AMDHD2: variants seen among roughly 807,000 people sequenced by gnomAD.
AMDHD2 encodes amidohydrolase domain containing 2, also known as N-acetylglucosamine-6-phosphate deacetylase.
Under a neutral mutation model 41.8 loss-of-function variants are expected in AMDHD2, and 24 were observed. The ratio of observed to expected loss-of-function variants is 0.57; its 90% CI spans 0.42 to 0.81. AMDHD2 has a LOEUF of 0.81. Among genes scored for constraint, AMDHD2 ranks in the 30% least tolerant of loss-of-function variants. The pLI, the probability that AMDHD2 is intolerant of heterozygous loss-of-function variation, is 0.00. For synonymous variants in AMDHD2, 332 were observed against 255.5 expected, an observed-to-expected ratio of 1.30 and a Z score of -2.85; for missense variants, 540 against 588.5, an observed-to-expected ratio of 0.92 and a Z score of 0.85.
In AMDHD2 at chr16:2,528,301, C is replaced by T. The variant is rs1286584312; in HGVS notation, c.783C>T (p.Cys261=). ...LTSDRLPAGR[C]IFYGMIADGT... is the part of the protein sequence containing the mutation. ...GCGACCGGCTGCCCGCAGGCCGCTG[C>T]ATCTTCTATGGGATGATTGCAGATG... Residue 261 remains cysteine, a synonymous_variant, in exon 7 of 11, where the codon TGC becomes TGT. Transcript: ENST00000293971. 9 of 1,612,698 alleles carry T rather than the reference C, an allele frequency of 5.6e-6. No homozygotes were observed. The highest frequency in any genetic ancestry group is 7.6e-6 in the Non-Finnish European group (9 of 1,179,936).
In AMDHD2 at chr16:2,528,073, T is replaced by C; in HGVS notation, c.642T>C (p.Ala214=). ...CAGGTCCCGCAGGGCACTCAGTGGC[T>C]GACCTGCGGGCGGCAGAGGATGCTG... ...GICVSLGHSV[A]DLRAAEDAVW... is the part of the protein sequence containing the mutation. Residue 214 remains alanine, a synonymous_variant, in exon 6 of 11, where the codon GCT becomes GCC. Transcript: ENST00000293971. The C allele has an allele frequency of 2.5e-6, 4 of 1,613,046 alleles. 1 individual carries two copies. In the South Asian group the frequency reaches 3.3e-5, roughly 13 times the overall value.
chr16:2,527,673 G>A lies in AMDHD2; in HGVS notation c.415+58G>A. 6.3e-7 allele frequency: 1 copy of A among 1,577,808 alleles called. No homozygotes were observed. On this transcript the variant is annotated intron_variant, in intron 4 of 10. Coordinates refer to ENST00000293971, the MANE Select transcript of AMDHD2 (RefSeq NM_001330449.2). The surrounding 1 kb of genome is among the most constrained non-coding windows in gnomAD (Gnocchi z 6.1). ...TGGGAGGCTCCTGCGGGACCTGTTGGCAGCCCCCACCCCTCCAGATGCCCA... is the reference window on the plus strand; with the variant it reads ...TGGGAGGCTCCTGCGGGACCTGTTGACAGCCCCCACCCCTCCAGATGCCCA...
Position 2,527,390 on chromosome 16 carries a change from C to G in AMDHD2, c.361-171C>G, listed in dbSNP as rs1332282554. 1.3e-5 allele frequency among the ~76,000 whole-genome samples: 2 copies of G among 152,220 alleles called. No homozygotes were observed. Among genetic ancestry groups the G allele is most frequent in the African/African-American group, 4.8e-5 (2 of 41,450 alleles). On this transcript the variant is annotated intron_variant, in intron 3 of 10. Transcript: ENST00000293971. The surrounding 1 kb of genome is among the most constrained non-coding windows in gnomAD (Gnocchi z 6.1). ...ATTTCTTCCTGCTCCTGCCATGGGTCCTTCAATTCTGCCGGCTGTGCTTTC... is the reference window on the plus strand; with the variant it reads ...ATTTCTTCCTGCTCCTGCCATGGGTGCTTCAATTCTGCCGGCTGTGCTTTC...
At chr16:2,524,304 C>T (rs980900200) in intron 3 of AMDHD2, among the ~76,000 whole-genome samples, 6 of 152,242 alleles carry the variant, frequency 3.9e-5, no homozygotes, top group African/African-American at 1.4e-4. Flanking sequence ...TTCCGCCTGT[C>T]CTTTGCTACG....
At chr16:2,523,544 G>T (rs2065968121) in intron 3 of AMDHD2, among the ~76,000 whole-genome samples, 1 of 151,842 alleles carries the variant, frequency 6.6e-6, no homozygotes, top group Admixed American at 6.6e-5. Flanking sequence ...AGGGGCGTTG[G>T]GTGCTCAGCA....
Position 2,528,679 on chromosome 16 carries a change from C to G in AMDHD2, c.1000C>G (p.Pro334Ala), listed in dbSNP as rs944572614. The change falls in exon 9 of 11, where the codon CCA becomes GCA. Residue 334 changes from proline to alanine, a missense_variant. Pro to Ala is a conservative substitution (Grantham distance 27). Transcript: ENST00000293971. ...GTKTLSGSIA[P>A]MDVCVRHFLQ... ...CAAGACGCTGAGTGGCAGCATAGCC[C>G]CAATGGACGTCTGTGTCCGGCACTT... is the stretch of plus-strand genomic sequence containing the variant. 2.9e-5 allele frequency: 47 copies of G among 1,612,798 alleles called. No individual in the cohort carries two copies. Among genetic ancestry groups the G allele is most frequent in the Non-Finnish European group, 3.7e-5 (44 of 1,179,982 alleles).
Position 2,530,770 on chromosome 16 carries a change from G to C in AMDHD2, c.*1207G>C. On this transcript the variant is annotated 3_prime_UTR_variant, in exon 11 of 11. Transcript: ENST00000293971. ...CAGGGCCTCGCCTGAGGGAGGGCCT[G>C]GGGCAGGGCACAAGGGGTTGATCTC... 3.1e-6 allele frequency: 5 copies of C among 1,613,542 alleles called. No individual in the cohort carries two copies. Among genetic ancestry groups the C allele is most frequent in the Non-Finnish European group, 4.2e-6 (5 of 1,179,830 alleles).
rs1312764594 is a variant in AMDHD2 at position 2,530,126 on chromosome 16, T to C, written c.*563T>C. On this transcript the variant is annotated 3_prime_UTR_variant, in exon 11 of 11. Coordinates refer to ENST00000293971, the MANE Select transcript of AMDHD2 (RefSeq NM_001330449.2). The stretch of plus-strand genomic sequence containing the variant: ...GGGCACAGTGCCAGGGGCTCCGCTC[T>C]GACCTCCAGGAGGGAGACTGGGCCC... 1.2e-5 allele frequency: 16 copies of C among 1,334,066 alleles called. No homozygotes were observed. Among genetic ancestry groups the C allele is most frequent in the Non-Finnish European group, 1.5e-5 (15 of 1,002,852 alleles). The allele number at this position is 1,334,066 out of a possible 1,614,324, so 82.6% of individuals were successfully genotyped here. A position where few individuals can be genotyped will look rare whatever the true frequency, so the allele number is the denominator to read the frequency against.
chr16:2,521,077 CCTT>C lies in AMDHD2; in HGVS notation c.317_319del (p.Phe106del), dbSNP rs1472174670. ...AGGATCCTGTCGCACGGCGTCACCT[CCTT>C]CTGCCCCACCCTGGTCACTTCCCCA... On this transcript the variant is annotated inframe_deletion, in exon 3 of 11. Coordinates refer to ENST00000293971, the MANE Select transcript of AMDHD2 (RefSeq NM_001330449.2). The C allele has an allele frequency of 3.1e-6, 5 of 1,610,856 alleles. No homozygotes were observed. The Admixed American group carries it at 8.4e-5, about 27-fold the overall frequency.
In AMDHD2 at chr16:2,530,197, A is replaced by C; in HGVS notation, c.*634A>C. ...CCTGGACTGCCTAGCCCTGAGTGCC[A>C]CGGATGACCAGCGTTCTGTTTTCTC... On this transcript the variant is annotated 3_prime_UTR_variant, in exon 11 of 11. Coordinates refer to ENST00000293971, the MANE Select transcript of AMDHD2 (RefSeq NM_001330449.2). 1 of 1,500,428 alleles carries C rather than the reference A, an allele frequency of 6.7e-7. No individual in the cohort carries two copies. The highest frequency in any genetic ancestry group is 8.9e-7 in the Non-Finnish European group (1 of 1,124,542). 92.9% of individuals were successfully genotyped at this position (1,500,428 alleles called of 1,614,324 possible).
chr16:2,520,443 C>G lies in AMDHD2; in HGVS notation c.-16C>G. ...CCGCGGGGCTCCGGAGCCGCTCGCT[C>G]CCGACACGGCTCACGATGCGCGGCG... On this transcript the variant is annotated 5_prime_UTR_variant, in exon 1 of 11. Coordinates refer to ENST00000293971, the MANE Select transcript of AMDHD2 (RefSeq NM_001330449.2). The G allele has an allele frequency of 8.1e-7, 1 of 1,230,244 alleles. No homozygotes were observed. Among genetic ancestry groups the G allele is most frequent in the East Asian group, 3.2e-5 (1 of 31,084 alleles). 76.2% of individuals were successfully genotyped at this position (1,230,244 alleles called of 1,614,324 possible).
At position 2,529,786 on chromosome 16, in the gene AMDHD2, C is replaced by T. The variant is rs1259616817; in HGVS notation, c.*223C>T. The T allele has an allele frequency of 3.5e-6, 5 of 1,431,608 alleles. No homozygotes were observed. The East Asian group carries it at 1.3e-4, about 36-fold the overall frequency. 88.7% of individuals were successfully genotyped at this position (1,431,608 alleles called of 1,614,324 possible). ...TCACATGTGGCACCATCCTTGGTTG[C>T]CCTCCTGGAGAAGGCATTCACGGCC... On this transcript the variant is annotated 3_prime_UTR_variant, in exon 11 of 11. Coordinates refer to ENST00000293971, the MANE Select transcript of AMDHD2 (RefSeq NM_001330449.2).
At chr16:2,522,020 G>A (rs544701927) in intron 3 of AMDHD2, among the ~76,000 whole-genome samples, 44 of 152,106 alleles carry the variant, frequency 2.9e-4, no homozygotes, top group Admixed American at 7.9e-4. Flanking sequence ...TCCTGACCTC[G>A]TGATCCGCCC....
rs2066013509 is a variant in AMDHD2 at position 2,527,114 on chromosome 16, T to G, written c.361-447T>G. The G allele has an allele frequency of 4.8e-6, 1 of 207,476 alleles. No individual in the cohort carries two copies. The highest frequency in any genetic ancestry group is 6.0e-5 in the Admixed American group (1 of 16,794). The allele number at this position is 207,476 out of a possible 1,614,324, so 12.9% of individuals were successfully genotyped here. ...CTGTTAGCCTCTGAGATGTGTGGTG[T>G]GAGCCCGTGTCCCCCCGTTCCCTGA... On this transcript the variant is annotated intron_variant, in intron 3 of 10. Coordinates refer to ENST00000293971, the MANE Select transcript of AMDHD2 (RefSeq NM_001330449.2). The surrounding 1 kb of genome is among the most constrained non-coding windows in gnomAD (Gnocchi z 6.1).
chr16:2,529,765 A>G lies in AMDHD2; in HGVS notation c.*202A>G, dbSNP rs762827966. Reference sequence around the variant, plus strand: ...GGCTCCGGGTTTTGCTTGTGCTCACATGTGGCACCATCCTTGGTTGCCCTC... The same window carrying G: ...GGCTCCGGGTTTTGCTTGTGCTCACGTGTGGCACCATCCTTGGTTGCCCTC... On this transcript the variant is annotated 3_prime_UTR_variant, in exon 11 of 11. Transcript: ENST00000293971. 43 of 1,429,962 alleles carry G rather than the reference A, an allele frequency of 3.0e-5. 1 individual carries two copies. Among genetic ancestry groups the G allele is most frequent in the Admixed American group, 5.5e-5 (2 of 36,658 alleles). 88.6% of individuals were successfully genotyped at this position (1,429,962 alleles called of 1,614,324 possible). A position where few individuals can be genotyped will look rare whatever the true frequency, so the allele number is the denominator to read the frequency against.
Position 2,529,457 on chromosome 16 carries a change from T to G in AMDHD2, c.1142-18T>G. The G allele has an allele frequency of 6.2e-7, 1 of 1,608,332 alleles. No homozygotes were observed. The highest frequency in any genetic ancestry group is 8.5e-7 in the Non-Finnish European group (1 of 1,179,826). ...GGCCCCACTCCTGCCCCCTACTCAT[T>G]GCCCGGCTCTGTCCCAGACTTCGTG... On this transcript the variant is annotated intron_variant, in intron 10 of 10. Coordinates refer to ENST00000293971, the MANE Select transcript of AMDHD2 (RefSeq NM_001330449.2).
rs766163532 is a variant in AMDHD2, at chr16:2,531,053, G to C, written c.*1490G>C. Reference sequence around the variant, plus strand: ...ATCGCCTGTGCCCAGCTTGCTGGCTGTCAGTGCTTGATGTGCCCATCCTCA... The same window carrying C: ...ATCGCCTGTGCCCAGCTTGCTGGCTCTCAGTGCTTGATGTGCCCATCCTCA... On this transcript the variant is annotated 3_prime_UTR_variant, in exon 11 of 11. Transcript: ENST00000293971. 5.0e-6 allele frequency: 8 copies of C among 1,595,428 alleles called. No homozygotes were observed. The highest frequency in any genetic ancestry group is 6.9e-6 in the Non-Finnish European group (8 of 1,166,640).
chr16:2,521,219 TA>T, intron 3 of AMDHD2, 96 bp downstream of exon 3: 2 of 1,370,564 alleles, frequency 1.5e-6, no homozygotes, highest in Non-Finnish European at 1.9e-6. Context: ...CCCCAGCACG[TA>T]TTCCATGGTC....
At chr16:2,529,162 G>T in intron 10 of AMDHD2, 67 bp downstream of exon 10, 2 of 1,416,744 alleles carry the variant, frequency 1.4e-6, no homozygotes, top group Non-Finnish European at 1.9e-6. Flanking sequence ...TTCCTGGGGC[G>T]GCCTGGACAG....
Sources: allele counts gnomAD v4.1 joint callset (sites outside exome capture counted in the v4.1 genomes callset), GRCh38; gene constraint gnomAD v4.1.1; non-coding constraint Gnocchi (gnomAD v3.1); transcripts MANE v1.5; gene names NCBI Gene and HGNC (gene_info 2026-07-23, HGNC 2026-07-21).